Variants in RELN observed in about 807,000 individuals in gnomAD.
RELN encodes the protein reelin.
A neutral mutation model predicts 427.6 loss-of-function variants in RELN; 108 were observed. The ratio of observed to expected loss-of-function variants is 0.25; its 90% CI spans 0.22 to 0.30. RELN has a LOEUF of 0.30. Ranked by LOEUF, RELN falls within the 10% of genes least tolerant of loss-of-function variation. The probability of loss-of-function intolerance (pLI) is 1.00; values close to 1 mark genes in which losing one functional copy is unlikely to be tolerated. For synonymous variants in RELN, 1,524 were observed against 1,513.4 expected, an observed-to-expected ratio of 1.01 and a Z score of -0.16; for missense variants, 3,715 against 4,302.8, an observed-to-expected ratio of 0.86 and a Z score of 3.82.
intron 3 of RELN, among the ~76,000 whole-genome samples, chr7:103,830,235 A>G (rs538768042): frequency 1.3e-5 from 2 of 152,126 alleles, no homozygotes; most frequent in East Asian, 1.9e-4. Flanking sequence ...CTATTGGTCT[A>G]TAGTTCAGCA....
At chr7:103,591,530 T>C (rs959644613) in intron 27 of RELN, among the ~76,000 whole-genome samples, 4 of 152,204 alleles carry the variant, frequency 2.6e-5, no homozygotes, top group African/African-American at 7.2e-5. Context: ...CAAGTTTATA[T>C]AGTAAAACAT....
At chr7:103,818,352 T>C (rs1280895639) in intron 3 of RELN, among the ~76,000 whole-genome samples, 2 of 152,164 alleles carry the variant, frequency 1.3e-5, no homozygotes, top group Admixed American at 6.5e-5. Flanking sequence ...TACTGCAAAA[T>C]GAGAAACAAT....
intron 8 of RELN, among the ~76,000 whole-genome samples, chr7:103,713,211 C>T (rs1260766190): frequency 2.0e-5 from 3 of 152,132 alleles, no homozygotes; most frequent in Admixed American, 6.5e-5. Context: ...TCCTGCAGCG[C>T]GAGTGCTGCC....
chr7:103,743,660 C>A (rs1156575496), intron 6 of RELN, among the ~76,000 whole-genome samples: 1 of 152,092 alleles, frequency 6.6e-6, no homozygotes, highest in African/African-American at 2.4e-5. Flanking sequence ...TCAAAAGAGA[C>A]AAAGAAGGAC....
intron 3 of RELN, among the ~76,000 whole-genome samples, chr7:103,780,589 C>T (rs1791864413): frequency 6.6e-6 from 1 of 152,064 alleles, no homozygotes; most frequent in East Asian, 1.9e-4. Flanking sequence ...GTGTGTTGTT[C>T]CTCTCTATGT....
intron 1 of RELN, among the ~76,000 whole-genome samples, chr7:103,933,832 TTA>T (rs1795917609): frequency 1.3e-5 from 2 of 152,092 alleles, no homozygotes; most frequent in East Asian, 3.9e-4. Flanking sequence ...TGCAGATTGA[TTA>T]TTCCTCCACT....
chr7:103,502,072 C>G (rs1486254990), intron 52 of RELN, among the ~76,000 whole-genome samples: 1 of 152,208 alleles, frequency 6.6e-6, no homozygotes, highest in Non-Finnish European at 1.5e-5. Flanking sequence ...TCCCTGAAGA[C>G]ACCGTTCAAC....
intron 2 of RELN, among the ~76,000 whole-genome samples, chr7:103,847,231 T>C (rs1195831723): frequency 6.6e-6 from 1 of 152,178 alleles, no homozygotes; most frequent in Non-Finnish European, 1.5e-5. Context: ...TGGAATACTA[T>C]GCAGCCATAA....
chr7:103,943,848 C>CAAAAAA (rs10631941), intron 1 of RELN, among the ~76,000 whole-genome samples: 5,193 of 74,784 alleles, frequency 0.069, 396 homozygotes, highest in African/African-American at 0.15. Context: ...ATTCTGTCTC[C>CAAAAAA]AAAAAAAAAA....
chr7:103,804,732 G>A (rs1273773189), intron 3 of RELN, among the ~76,000 whole-genome samples: 1 of 152,130 alleles, frequency 6.6e-6, no homozygotes, highest in Non-Finnish European at 1.5e-5. Flanking sequence ...GTTACTTCTT[G>A]TAACAAATCA....
At chr7:103,763,976 T>C (rs1338340011) in intron 4 of RELN, among the ~76,000 whole-genome samples, 1 of 152,144 alleles carries the variant, frequency 6.6e-6, no homozygotes, top group East Asian at 1.9e-4. Context: ...ACACTGGATA[T>C]AGACATGGAT....
chr7:103,508,754 C>T (rs1829300583), intron 51 of RELN, among the ~76,000 whole-genome samples: 1 of 152,078 alleles, frequency 6.6e-6, no homozygotes, highest in Non-Finnish European at 1.5e-5. Flanking sequence ...TTTAGAAAAC[C>T]CCATCGTCTC....
At chr7:103,888,603 A>G (rs1052641597) in intron 2 of RELN, among the ~76,000 whole-genome samples, 1 of 152,184 alleles carries the variant, frequency 6.6e-6, no homozygotes. Flanking sequence ...AAATCTAGTA[A>G]AGAAGACTCC....
In RELN at chr7:103,779,615, T is replaced by C. The variant is rs77220831; in HGVS notation, c.474-2988A>G. ...AAACCCAGGCAGTTTGAGTGTAGAG[T>C]CTTTGCTTTTAAGCATTACAGCAAT... On this transcript the variant is annotated intron_variant, in intron 3 of 64. Coordinates refer to ENST00000428762, the MANE Select transcript of RELN (RefSeq NM_005045.4). 1.0e-3 allele frequency among the ~76,000 whole-genome samples: 159 copies of C among 152,178 alleles called. 1 individual carries two copies. In the East Asian group the frequency reaches 0.027, roughly 26 times the overall value.
intron 3 of RELN, among the ~76,000 whole-genome samples, chr7:103,780,751 C>T (rs931015117): frequency 2.0e-5 from 3 of 152,124 alleles, no homozygotes; most frequent in South Asian, 2.1e-4. Flanking sequence ...TTTATGGCTG[C>T]GTAGTATTCC....
chr7:103,518,669 T>C (rs1829631559), intron 49 of RELN, among the ~76,000 whole-genome samples: 1 of 151,934 alleles, frequency 6.6e-6, no homozygotes, highest in Non-Finnish European at 1.5e-5. Context: ...TTATTTCCTC[T>C]TCTCTTCAGC....
chr7:103,730,606 T>C (rs1347331841), intron 6 of RELN, among the ~76,000 whole-genome samples: 2 of 152,136 alleles, frequency 1.3e-5, no homozygotes, highest in African/African-American at 2.4e-5. Flanking sequence ...CAGAAATTTA[T>C]AACAAATGTA....
chr7:103,813,231 A>G (rs1024266030), intron 3 of RELN, among the ~76,000 whole-genome samples: 1 of 152,082 alleles, frequency 6.6e-6, no homozygotes, highest in African/African-American at 2.4e-5. Flanking sequence ...TCCCACCTCC[A>G]TTATATGGTA....
Position 103,852,619 on chromosome 7 carries a change from C to A in RELN, c.338-18947G>T, listed in dbSNP as rs118006905. On this transcript the variant is annotated intron_variant, in intron 2 of 64. Transcript: ENST00000428762. ...CTATGTCCTTAATGACTGACAAAAT[C>A]AATGACCTTTCTTTTCTGGCAAAGA... Among the ~76,000 whole-genome samples the A allele has an allele frequency of 6.2e-4, 94 of 152,172 alleles. No individual in the cohort carries two copies. The East Asian group carries it at 0.018, about 29-fold the overall frequency.
Sources: allele counts gnomAD v4.1 joint callset (sites outside exome capture counted in the v4.1 genomes callset), GRCh38; gene constraint gnomAD v4.1.1; transcripts MANE v1.5; gene names NCBI Gene and HGNC (gene_info 2026-07-23, HGNC 2026-07-21).